MAP1LC3B2: variants seen among roughly 807,000 people sequenced by gnomAD.
MAP1LC3B2 encodes microtubule associated protein 1 light chain 3 beta 2, also known as microtubule-associated protein 1 light chain 3 beta 2.
For missense variants in MAP1LC3B2, 155 were observed against 154.6 expected, an observed-to-expected ratio of 1.00 and a Z score of -0.01; for synonymous variants, 62 against 57.8, an observed-to-expected ratio of 1.07 and a Z score of -0.33.
chr12:116,564,405 T>A (rs1377633443), intron 1 of MAP1LC3B2, among the ~76,000 whole-genome samples: 1 of 151,984 alleles, frequency 6.6e-6, no homozygotes, highest in Non-Finnish European at 1.5e-5. Flanking sequence ...TTTTTTTTTT[T>A]AAGGCTTTTT....
intron 1 of MAP1LC3B2, among the ~76,000 whole-genome samples, chr12:116,574,484 TA>T (rs893061376): frequency 1.3e-5 from 2 of 150,376 alleles, no homozygotes; most frequent in African/African-American, 5.0e-5. Flanking sequence ...CTACAAAAAA[TA>T]AAAAATAAAA....
At chr12:116,570,144 A>G (rs1018705526) in intron 1 of MAP1LC3B2, among the ~76,000 whole-genome samples, 13 of 152,228 alleles carry the variant, frequency 8.5e-5, no homozygotes, top group African/African-American at 3.1e-4. Context: ...AAGAAGGGGC[A>G]AAGAGGGAAA....
chr12:116,567,444 A>C (rs1869416497), intron 1 of MAP1LC3B2, among the ~76,000 whole-genome samples: 1 of 147,792 alleles, frequency 6.8e-6, no homozygotes, highest in African/African-American at 2.6e-5. Flanking sequence ...ACTGCTTTGC[A>C]AATCTTTTTT....
intron 1 of MAP1LC3B2, among the ~76,000 whole-genome samples, chr12:116,563,113 C>A (rs1271182580): frequency 1.3e-5 from 2 of 152,136 alleles, no homozygotes; most frequent in Non-Finnish European, 2.9e-5. Flanking sequence ...AGGCCTGCAC[C>A]ACCATGCCTG....
At chr12:116,563,261 G>A (rs1461802445) in intron 1 of MAP1LC3B2, among the ~76,000 whole-genome samples, 2 of 152,062 alleles carry the variant, frequency 1.3e-5, no homozygotes, top group African/African-American at 4.8e-5. Context: ...ACCTGGTAAA[G>A]AACTTCTTTT....
At chr12:116,562,385 T>C (rs1869293707) in intron 1 of MAP1LC3B2, among the ~76,000 whole-genome samples, 1 of 152,238 alleles carries the variant, frequency 6.6e-6, no homozygotes, top group East Asian at 1.9e-4. Context: ...TCCTGACTCA[T>C]GCAGTGTCTT....
chr12:116,576,109 A>T lies in MAP1LC3B2; in HGVS notation c.167A>T (p.Asp56Val), dbSNP rs1869671260. ...VLDKTKFLVP[D>V]HVNMSELIKI... ...GATAAAACAAAGTTCCTTGTACCTGACCATGTCAACATGAGTGAGCTCATC... is the reference window on the plus strand; with the variant it reads ...GATAAAACAAAGTTCCTTGTACCTGTCCATGTCAACATGAGTGAGCTCATC... The change falls in exon 2 of 2, where the codon GAC becomes GTC. Residue 56 changes from aspartate (D) to valine (V), a missense_variant. Coordinates refer to ENST00000556529, the MANE Select transcript of MAP1LC3B2 (RefSeq NM_001085481.3). The T allele has an allele frequency of 1.9e-6, 3 of 1,614,204 alleles. No individual in the cohort carries two copies. The highest frequency in any genetic ancestry group is 2.5e-6 in the Non-Finnish European group (3 of 1,180,042).
chr12:116,566,633 A>AAC (rs1214957053), intron 1 of MAP1LC3B2, among the ~76,000 whole-genome samples: 5 of 149,066 alleles, frequency 3.4e-5, no homozygotes, highest in African/African-American at 1.3e-4. Context: ...AAAAAAAAAA[A>AAC]AAAAAACAAG....
intron 1 of MAP1LC3B2, among the ~76,000 whole-genome samples, chr12:116,566,795 G>A (rs191820416): frequency 1.3e-5 from 2 of 150,562 alleles, no homozygotes; most frequent in African/African-American, 4.9e-5. Flanking sequence ...GCTGGGCGTG[G>A]TGGTGGGCAC....
Position 116,576,369 on chromosome 12 carries a change from GAAAAA to G in MAP1LC3B2, c.*54_*58del. The G allele has an allele frequency of 6.4e-7, 1 of 1,552,374 alleles. No individual in the cohort carries two copies. Among genetic ancestry groups the G allele is most frequent in the Non-Finnish European group, 8.7e-7 (1 of 1,154,754 alleles). On this transcript the variant is annotated 3_prime_UTR_variant, in exon 2 of 2. Coordinates refer to ENST00000556529, the MANE Select transcript of MAP1LC3B2 (RefSeq NM_001085481.3). ...TAGAATTTTTTAAACCCTTACCAAG[GAAAAA>G]AAAAGGGATGTTACCAACTGAGATC... is the stretch of plus-strand genomic sequence containing the variant.
chr12:116,567,762 A>C (rs1334930560), intron 1 of MAP1LC3B2, among the ~76,000 whole-genome samples: 1 of 151,618 alleles, frequency 6.6e-6, no homozygotes, highest in African/African-American at 2.4e-5. Flanking sequence ...ATAAAAATAA[A>C]AAAATATATA....
At chr12:116,563,648 T>C (rs987274298) in intron 1 of MAP1LC3B2, among the ~76,000 whole-genome samples, 3 of 152,218 alleles carry the variant, frequency 2.0e-5, no homozygotes, top group Admixed American at 2.0e-4. Context: ...TGTAACTTTA[T>C]AGTTTTTATC....
intron 1 of MAP1LC3B2, among the ~76,000 whole-genome samples, chr12:116,573,018 G>T (rs1351834816): frequency 1.3e-5 from 2 of 152,066 alleles, no homozygotes; most frequent in Non-Finnish European, 2.9e-5. Context: ...TCTGCCTCCT[G>T]GGTTCAAGCG....
At chr12:116,570,259 A>T (rs1324449008) in intron 1 of MAP1LC3B2, among the ~76,000 whole-genome samples, 1 of 152,202 alleles carries the variant, frequency 6.6e-6, no homozygotes, top group African/African-American at 2.4e-5. Context: ...AGTAACATGC[A>T]TTCAGTAGAA....
chr12:116,560,236 A>G lies in MAP1LC3B2; in HGVS notation c.-102+803A>G, dbSNP rs1003916675. Among the ~76,000 whole-genome samples, 498 of 98,886 alleles carry G rather than the reference A, an allele frequency of 5.0e-3. 16 individuals are homozygous for G. The highest frequency in any genetic ancestry group is 0.017 in the African/African-American group (415 of 24,736). 64.9% of individuals were successfully genotyped at this position (98,886 alleles called of 152,430 possible). A position where few individuals can be genotyped will look rare whatever the true frequency, so the allele number is the denominator to read the frequency against. ...TATATATATATATATATATATATAT[A>G]TATATGTATGTATATGTATATATAT... On this transcript the variant is annotated intron_variant, in intron 1 of 1. Transcript: ENST00000556529.
Position 116,571,566 on chromosome 12 carries a change from C to G in MAP1LC3B2, c.-101-4276C>G, listed in dbSNP as rs184457981. ...GGCGATTTCTGCTCACTGCAAGCTC[C>G]GCCTCCCGGGTTCATGCCATTCTCC... On this transcript the variant is annotated intron_variant, in intron 1 of 1. Coordinates refer to ENST00000556529, the MANE Select transcript of MAP1LC3B2 (RefSeq NM_001085481.3). Among the ~76,000 whole-genome samples, 444 of 139,408 alleles carry G rather than the reference C, an allele frequency of 3.2e-3. 8 individuals are homozygous for G. Among genetic ancestry groups the G allele is most frequent in the African/African-American group, 0.011 (421 of 37,774 alleles). 91.5% of individuals were successfully genotyped at this position (139,408 alleles called of 152,430 possible). A position where few individuals can be genotyped will look rare whatever the true frequency, so the allele number is the denominator to read the frequency against.
chr12:116,561,834 G>C (rs1290216745), intron 1 of MAP1LC3B2, among the ~76,000 whole-genome samples: 1 of 152,224 alleles, frequency 6.6e-6, no homozygotes, highest in Non-Finnish European at 1.5e-5. Flanking sequence ...ATGCAAAGCT[G>C]TTCTTGAACG....
chr12:116,575,250 A>G (rs910976445), intron 1 of MAP1LC3B2, among the ~76,000 whole-genome samples: 1 of 152,168 alleles, frequency 6.6e-6, no homozygotes, highest in Non-Finnish European at 1.5e-5. Context: ...AAAAAAGTCA[A>G]ACTCTGAAAG....
At chr12:116,564,492 C>T (rs1053930779) in intron 1 of MAP1LC3B2, among the ~76,000 whole-genome samples, 3 of 152,048 alleles carry the variant, frequency 2.0e-5, no homozygotes, top group African/African-American at 7.3e-5. Context: ...GGTGTAGCCT[C>T]ACAGTGGTCT....
Sources: allele counts gnomAD v4.1 joint callset (sites outside exome capture counted in the v4.1 genomes callset), GRCh38; gene constraint gnomAD v4.1.1; transcripts MANE v1.5; gene names NCBI Gene and HGNC (gene_info 2026-07-23, HGNC 2026-07-21).